The following ZFPM1 variants were observed in gnomAD, a reference collection of about 807,000 sequenced individuals.
ZFPM1 encodes zinc finger protein ZFPM1.
ZFPM1 carries 28 observed loss-of-function variants against 46.3 expected under a neutral mutation model. The ratio of observed to expected loss-of-function variants is 0.60; its 90% CI spans 0.45 to 0.83. The LOEUF is 0.83. Among genes scored for constraint, ZFPM1 ranks in the 40% least tolerant of loss-of-function variants. The probability of loss-of-function intolerance (pLI) is 0.00; values close to 1 mark genes in which losing one functional copy is unlikely to be tolerated. For synonymous variants in ZFPM1, 957 were observed against 675.9 expected (o/e 1.42, Z -6.45); for missense variants, 1,878 against 1,432.4 (o/e 1.31, Z -5.02).
chr16:88,526,138 A>C (rs1415207726), intron 4 of ZFPM1, among the ~76,000 whole-genome samples: 1 of 152,182 alleles, frequency 6.6e-6, no homozygotes, highest in African/African-American at 2.4e-5. Context: ...CAGGGTGGGG[A>C]CAGACCTGCT....
At chr16:88,496,804 TC>T (rs1219137501) in intron 3 of ZFPM1, among the ~76,000 whole-genome samples, 3 of 152,150 alleles carry the variant, frequency 2.0e-5, no homozygotes, top group Non-Finnish European at 4.4e-5. Flanking sequence ...GGCTCTCGAC[TC>T]CTGGTATACA....
chr16:88,486,457 T>C (rs1282202447), intron 2 of ZFPM1, among the ~76,000 whole-genome samples: 2 of 152,106 alleles, frequency 1.3e-5, no homozygotes, highest in South Asian at 2.1e-4. Context: ...GAGTGCACAG[T>C]GGGTGCTGGG....
chr16:88,496,786 G>C (rs1022453704), intron 3 of ZFPM1, among the ~76,000 whole-genome samples: 11 of 152,184 alleles, frequency 7.2e-5, no homozygotes, highest in African/African-American at 2.7e-4. Context: ...GGCGTTTCCT[G>C]TGAGGGGGGC....
At position 88,536,744 on chromosome 16, in the gene ZFPM1, C is replaced by G. The variant is rs976315103; in HGVS notation, c.*1765C>G. 6.6e-6 allele frequency: 1 copy of G among 152,280 alleles called. No individual in the cohort carries two copies. Among genetic ancestry groups the G allele is most frequent in the African/African-American group, 2.4e-5 (1 of 41,458 alleles). 9.4% of individuals were successfully genotyped at this position (152,280 alleles called of 1,614,324 possible). On this transcript the variant is annotated 3_prime_UTR_variant, in exon 10 of 10. Transcript: ENST00000319555. ...GGACAGACATGGCTTCCACCCCCTC[C>G]CAGGGACCTGAGCTCCAGGGAAGGC...
chr16:88,493,065 A>T (rs1909679956), intron 3 of ZFPM1, among the ~76,000 whole-genome samples: 1 of 147,772 alleles, frequency 6.8e-6, no homozygotes, highest in Non-Finnish European at 1.5e-5. Context: ...GGGTGCGGAG[A>T]GCTGTCCCGG....
intron 4 of ZFPM1, among the ~76,000 whole-genome samples, chr16:88,520,742 T>G: frequency 9.0e-6 from 1 of 111,122 alleles, no homozygotes; most frequent in Non-Finnish European, 1.8e-5. Flanking sequence ...GATGGATGGA[T>G]GGATGGGAGG....
chr16:88,496,066 G>A (rs1909914216), intron 3 of ZFPM1, among the ~76,000 whole-genome samples: 1 of 152,194 alleles, frequency 6.6e-6, no homozygotes, highest in Admixed American at 6.5e-5. Flanking sequence ...GGCAGGGCAG[G>A]ACACTCCATC....
intron 3 of ZFPM1, among the ~76,000 whole-genome samples, chr16:88,499,789 C>G (rs904482964): frequency 6.6e-6 from 1 of 152,184 alleles, no homozygotes. Flanking sequence ...GGGCACAGAG[C>G]CCACAGGCCT....
At chr16:88,531,895 G>T in intron 6 of ZFPM1, 107 bp from the exon 7 acceptor site, 1 of 1,089,594 alleles carries the variant, frequency 9.2e-7, no homozygotes, top group Non-Finnish European at 1.3e-6. Context: ...TCCTGGGGTG[G>T]GGAGGACGGT....
At position 88,453,362 on chromosome 16, in the gene ZFPM1, G is replaced by A. The variant is rs1178997351; in HGVS notation, c.-277G>A. On this transcript the variant is annotated 5_prime_UTR_variant, in exon 1 of 10. Transcript: ENST00000319555. ...TTCCATTGAGAAAAGCCGAGCGGCCGCGGCGGCGGCGGCGAGTGCGCGGGA... is the reference window on the plus strand; with the variant it reads ...TTCCATTGAGAAAAGCCGAGCGGCCACGGCGGCGGCGGCGAGTGCGCGGGA... 2.1e-5 allele frequency: 3 copies of A among 145,372 alleles called. No individual in the cohort carries two copies. Among genetic ancestry groups the A allele is most frequent in the African/African-American group, 7.6e-5 (3 of 39,462 alleles). The allele number at this position is 145,372 out of a possible 1,614,324, so 9.0% of individuals were successfully genotyped here. A position where few individuals can be genotyped will look rare whatever the true frequency, so the allele number is the denominator to read the frequency against.
intron 4 of ZFPM1, among the ~76,000 whole-genome samples, chr16:88,521,188 C>T (rs1030392027): frequency 2.0e-5 from 3 of 151,874 alleles, no homozygotes; most frequent in African/African-American, 4.8e-5. Context: ...CCATGCCGTT[C>T]CCTCCTCTGT....
At chr16:88,518,457 G>T (rs1911507010) in intron 4 of ZFPM1, among the ~76,000 whole-genome samples, 1 of 150,916 alleles carries the variant, frequency 6.6e-6, no homozygotes, top group Non-Finnish European at 1.5e-5. Context: ...GATGGATGGT[G>T]GGTGGATGGG....
At chr16:88,501,592 G>GAGATAGCGGTCATGGATGCGGGGC (rs1910326664) in intron 3 of ZFPM1, among the ~76,000 whole-genome samples, 2 of 107,600 alleles carry the variant, frequency 1.9e-5, no homozygotes, top group Non-Finnish European at 2.0e-5. Flanking sequence ...GGGTGCATGG[G>GAGATAGCGGTCATGGATGCGGGGC]CTCTCCCGCA....
Position 88,471,357 on chromosome 16 carries a change from T to C in ZFPM1, c.41-14582T>C, listed in dbSNP as rs1908411520. ...CTGAGATGACTGTGTCCGTGGCGGC[T>C]CCCGCTCACAGTTCAGGACCCCGAG... On this transcript the variant is annotated intron_variant, in intron 1 of 9. Coordinates refer to ENST00000319555, the MANE Select transcript of ZFPM1 (RefSeq NM_153813.3). The surrounding 1 kb of genome is among the most constrained non-coding windows in gnomAD (Gnocchi z 4.1). Among the ~76,000 whole-genome samples, 1 of 152,186 alleles carries C rather than the reference T, an allele frequency of 6.6e-6. No homozygotes were observed. The highest frequency in any genetic ancestry group is 6.5e-5 in the Admixed American group (1 of 15,284).
At chr16:88,476,684 TG>T (rs1908702249) in intron 1 of ZFPM1, among the ~76,000 whole-genome samples, 1 of 151,940 alleles carries the variant, frequency 6.6e-6, no homozygotes, top group South Asian at 2.1e-4. Flanking sequence ...AGGCCAAGTG[TG>T]GCTGGGGAGG....
At position 88,534,769 on chromosome 16, in the gene ZFPM1, C is replaced by T. The variant is rs1212806888; in HGVS notation, c.2811C>T (p.Ala937=). ...EPPPGPPPSP[A]AAPEAVPPPP... ...CGCCCGGCCCGCCCCCGTCCCCGGC[C>T]GCCGCGCCCGAGGCCGTGCCGCCCC... Residue 937 remains alanine (A), a synonymous_variant, in exon 10 of 10, where the codon GCC becomes GCT. Transcript: ENST00000319555. 3 of 1,166,026 alleles carry T rather than the reference C, an allele frequency of 2.6e-6. No individual in the cohort carries two copies. Among genetic ancestry groups the T allele is most frequent in the East Asian group, 7.9e-5 (2 of 25,462 alleles). 72.2% of individuals were successfully genotyped at this position (1,166,026 alleles called of 1,614,324 possible). A position where few individuals can be genotyped will look rare whatever the true frequency, so the allele number is the denominator to read the frequency against.
intron 2 of ZFPM1, among the ~76,000 whole-genome samples, chr16:88,488,732 C>T (rs547786103): frequency 5.9e-5 from 9 of 152,270 alleles, no homozygotes; most frequent in Middle Eastern, 3.4e-3. Context: ...CTGGCGACGG[C>T]GCATGTGCCT....
intron 2 of ZFPM1, among the ~76,000 whole-genome samples, chr16:88,487,431 A>G (rs910400150): frequency 1.4e-4 from 22 of 152,222 alleles, no homozygotes; most frequent in Non-Finnish European, 2.8e-4. Flanking sequence ...GGTGGGTGAC[A>G]TGAGCTGGGG....
chr16:88,526,541 A>G (rs931513133), intron 4 of ZFPM1, among the ~76,000 whole-genome samples: 1 of 152,126 alleles, frequency 6.6e-6, no homozygotes, highest in African/African-American at 2.4e-5. Flanking sequence ...TTTGGGCCTC[A>G]GTCTCCACAA....
Sources: allele counts gnomAD v4.1 joint callset (sites outside exome capture counted in the v4.1 genomes callset), GRCh38; gene constraint gnomAD v4.1.1; non-coding constraint Gnocchi (gnomAD v3.1); transcripts MANE v1.5; gene names NCBI Gene and HGNC (gene_info 2026-07-23, HGNC 2026-07-21).